CACNA2D3: variants seen among roughly 807,000 people sequenced by gnomAD.
CACNA2D3 encodes calcium voltage-gated channel auxiliary subunit alpha2delta 3, also known as voltage-dependent calcium channel subunit alpha-2/delta-3.
In CACNA2D3, 60 loss-of-function variants were observed where a neutral mutation model predicts 160.6. The ratio of observed to expected loss-of-function variants is 0.37; its 90% CI spans 0.30 to 0.46. The LOEUF is 0.46. CACNA2D3 is among the 20% of genes least tolerant of loss of function. The pLI is 1.00. For missense variants in CACNA2D3, 1,205 were observed against 1,365.0 expected (o/e 0.88, Z 1.85); for synonymous variants, 558 against 492.9 (o/e 1.13, Z -1.75).
intron 11 of CACNA2D3, among the ~76,000 whole-genome samples, chr3:54,749,317 A>G (rs1366506872): frequency 6.6e-6 from 1 of 152,240 alleles, no homozygotes; most frequent in Admixed American, 6.5e-5. Context: ...ACTTGTAGCC[A>G]GTCAGCTATC....
At chr3:54,800,128 G>A (rs748057989) in intron 13 of CACNA2D3, among the ~76,000 whole-genome samples, 1 of 152,190 alleles carries the variant, frequency 6.6e-6, no homozygotes, top group Non-Finnish European at 1.5e-5. Flanking sequence ...TCAGGAGAAG[G>A]TCTGAGTGGC....
intron 3 of CACNA2D3, among the ~76,000 whole-genome samples, chr3:54,349,510 T>C (rs1323178472): frequency 1.3e-5 from 2 of 152,228 alleles, no homozygotes; most frequent in African/African-American, 4.8e-5. Context: ...GCCAAGCTGT[T>C]TGCTTCTTAT....
chr3:55,018,596 C>T (rs1313918654), intron 35 of CACNA2D3, among the ~76,000 whole-genome samples: 2 of 152,018 alleles, frequency 1.3e-5, no homozygotes, highest in African/African-American at 2.4e-5. Context: ...TTAATTGGTG[C>T]TTTCTTAATT....
intron 10 of CACNA2D3, chr3:54,633,786 ATAACAAACATT>A (rs1316273509): frequency 6.6e-6 from 1 of 152,210 alleles, no homozygotes; most frequent in East Asian, 1.9e-4. Flanking sequence ...AGCCTGGCAT[ATAACAAACATT>A]GAACATTTAA....
chr3:54,981,084 C>G (rs1470592424), intron 29 of CACNA2D3, among the ~76,000 whole-genome samples: 3 of 152,148 alleles, frequency 2.0e-5, no homozygotes, highest in Non-Finnish European at 2.9e-5. Flanking sequence ...GGAATTGAAC[C>G]CTGAACCCAT....
At chr3:54,844,232 C>G (rs115971521) in intron 16 of CACNA2D3, among the ~76,000 whole-genome samples, 16 of 151,970 alleles carry the variant, frequency 1.1e-4, no homozygotes, top group Non-Finnish European at 2.1e-4. Context: ...AAGCAATGGG[C>G]TAAGAAAAGT....
chr3:54,991,349 A>G (rs1265728563), intron 31 of CACNA2D3, among the ~76,000 whole-genome samples: 1 of 151,330 alleles, frequency 6.6e-6, no homozygotes, highest in Non-Finnish European at 1.5e-5. Context: ...CATCCTCCCG[A>G]GTAGCTGGGA....
chr3:54,818,131 A>C (rs1575493188), intron 14 of CACNA2D3, among the ~76,000 whole-genome samples: 1 of 152,184 alleles, frequency 6.6e-6, no homozygotes, highest in Admixed American at 6.5e-5. Flanking sequence ...TCCATATACA[A>C]AGTATTCCTG....
At chr3:54,959,163 C>A (rs566257893) in intron 27 of CACNA2D3, among the ~76,000 whole-genome samples, 29 of 152,302 alleles carry the variant, frequency 1.9e-4, no homozygotes, top group Non-Finnish European at 4.0e-4. Context: ...AATGAACTGT[C>A]TGTATATTGA....
rs1700120838 is a variant in CACNA2D3, at chr3:54,669,442, A to G, written c.1167+27201A>G. On this transcript the variant is annotated intron_variant, in intron 11 of 37. Coordinates refer to ENST00000474759, the MANE Select transcript of CACNA2D3 (RefSeq NM_018398.3). ...TTTCATATTTTCCTGGTGGTTCACAACTTAATCTCATTGTTTTCATAAAGT... is the reference window on the plus strand; with the variant it reads ...TTTCATATTTTCCTGGTGGTTCACAGCTTAATCTCATTGTTTTCATAAAGT... Among the ~76,000 whole-genome samples, 3 of 152,222 alleles carry G rather than the reference A, an allele frequency of 2.0e-5. No individual in the cohort carries two copies. The South Asian group carries it at 6.2e-4, about 32-fold the overall frequency.
chr3:54,735,128 A>G (rs1330202269), intron 11 of CACNA2D3, among the ~76,000 whole-genome samples: 1 of 152,236 alleles, frequency 6.6e-6, no homozygotes, highest in Non-Finnish European at 1.5e-5. Flanking sequence ...TGTATTGACA[A>G]TGAATTTACA....
chr3:54,511,056 A>G (rs962705917), intron 5 of CACNA2D3, among the ~76,000 whole-genome samples: 1 of 152,008 alleles, frequency 6.6e-6, no homozygotes, highest in Non-Finnish European at 1.5e-5. Flanking sequence ...TGGTCATGCT[A>G]GATCCCAGGA....
chr3:54,799,052 G>A (rs1478446289), intron 13 of CACNA2D3, among the ~76,000 whole-genome samples: 1 of 152,146 alleles, frequency 6.6e-6, no homozygotes, highest in African/African-American at 2.4e-5. Flanking sequence ...GATTGTTTTT[G>A]TTTGGTGTTC....
intron 6 of CACNA2D3, among the ~76,000 whole-genome samples, chr3:54,566,112 G>C (rs910603262): frequency 5.3e-5 from 8 of 152,164 alleles, no homozygotes; most frequent in African/African-American, 1.2e-4. Flanking sequence ...TGCCTCTTTG[G>C]GGGAGCTGGT....
intron 4 of CACNA2D3, among the ~76,000 whole-genome samples, chr3:54,414,961 G>A (rs903418440): frequency 7.9e-5 from 12 of 151,942 alleles, no homozygotes; most frequent in Admixed American, 7.2e-4. Context: ...AAATACTTCT[G>A]AAGTTTCGTT....
intron 2 of CACNA2D3, among the ~76,000 whole-genome samples, chr3:54,219,078 T>C (rs546890532): frequency 2.6e-4 from 39 of 152,332 alleles, no homozygotes; most frequent in Non-Finnish European, 5.0e-4. Flanking sequence ...TAGTGACCCA[T>C]ATTTTCCTGT....
chr3:54,866,366 C>T (rs1559609470), intron 17 of CACNA2D3, among the ~76,000 whole-genome samples: 1 of 152,174 alleles, frequency 6.6e-6, no homozygotes, highest in Non-Finnish European at 1.5e-5. Flanking sequence ...AGACACAGGG[C>T]TTCAGAGGAA....
intron 27 of CACNA2D3, among the ~76,000 whole-genome samples, chr3:54,945,991 C>T (rs1187376660): frequency 2.0e-5 from 3 of 152,200 alleles, no homozygotes; most frequent in Non-Finnish European, 4.4e-5. Flanking sequence ...CGCTTATTCG[C>T]CTAGCTCTTT....
intron 4 of CACNA2D3, among the ~76,000 whole-genome samples, chr3:54,434,639 A>G (rs995561951): frequency 2.0e-5 from 3 of 152,190 alleles, no homozygotes; most frequent in Non-Finnish European, 4.4e-5. Context: ...CTCTGACAGC[A>G]TGCTCAGCAG....
Sources: allele counts gnomAD v4.1 joint callset (sites outside exome capture counted in the v4.1 genomes callset), GRCh38; gene constraint gnomAD v4.1.1; transcripts MANE v1.5; gene names NCBI Gene and HGNC (gene_info 2026-07-23, HGNC 2026-07-21).